The following ROPN1L variants were observed in gnomAD, a reference collection of about 807,000 sequenced individuals.
The protein encoded by ROPN1L is ropporin-1-like protein.
In ROPN1L, 23 loss-of-function variants were observed where a neutral mutation model predicts 22.7. That is an observed-to-expected ratio of 1.01 (90% CI 0.73 to 1.43). ROPN1L has a LOEUF of 1.43. Among genes scored for constraint, ROPN1L ranks in the 40% most tolerant of loss-of-function variants. The pLI, the probability that ROPN1L is intolerant of heterozygous loss-of-function variation, is 0.00. For missense variants in ROPN1L, 271 were observed against 291.5 expected (o/e 0.93, Z 0.51); for synonymous variants, 116 against 117.8 (o/e 0.98, Z 0.10).
intron 3 of ROPN1L, among the ~76,000 whole-genome samples, chr5:10,459,631 T>C (rs1734972300): frequency 6.6e-6 from 1 of 152,098 alleles, no homozygotes. Flanking sequence ...CACACAGAAG[T>C]GCCCCTGGAA....
At position 10,449,949 on chromosome 5, in the gene ROPN1L, C is replaced by G; in HGVS notation, c.256-3C>G. ...AAATTGTCATGCTGTGTTTTCCAAACAGTGTCACCACAAGCGGTATGTGGA... is the reference window on the plus strand; with the variant it reads ...AAATTGTCATGCTGTGTTTTCCAAAGAGTGTCACCACAAGCGGTATGTGGA... On this transcript the variant is annotated splice_region_variant and splice_polypyrimidine_tract_variant and intron_variant, in intron 2 of 4. Coordinates refer to ENST00000274134, the MANE Select transcript of ROPN1L (RefSeq NM_031916.5). 1 of 1,601,780 alleles carries G rather than the reference C, an allele frequency of 6.2e-7. No individual in the cohort carries two copies. The highest frequency in any genetic ancestry group is 8.5e-7 in the Non-Finnish European group (1 of 1,175,598).
downstream of ROPN1L, among the ~76,000 whole-genome samples, chr5:10,473,533 C>T (rs1045607303): frequency 1.1e-4 from 16 of 152,158 alleles, no homozygotes; most frequent in Admixed American, 5.9e-4. Context: ...TTTGGACTTA[C>T]GGTCCCCAGA....
intron 2 of ROPN1L, 43 bp downstream of exon 2, chr5:10,448,426 G>A: frequency 6.2e-7 from 1 of 1,611,890 alleles, no homozygotes; most frequent in Middle Eastern, 1.9e-4. Flanking sequence ...GCTGGCCTGT[G>A]CTTTCCTTAC....
intron 4 of ROPN1L, among the ~76,000 whole-genome samples, chr5:10,462,593 T>A (rs150607942): frequency 1.5e-3 from 230 of 152,312 alleles, no homozygotes; most frequent in African/African-American, 5.3e-3. Context: ...AATTGTAGCA[T>A]GTTAAAAAGT....
chr5:10,450,589 C>T (rs149327704), intron 3 of ROPN1L, among the ~76,000 whole-genome samples: 5,391 of 152,248 alleles, frequency 0.035, 140 homozygotes, highest in Non-Finnish European at 0.057. Context: ...ACCTCCGCCT[C>T]CCAGGTTCAA....
At position 10,441,917 on chromosome 5, in the gene ROPN1L, G is replaced by A. The variant is rs528290328; in HGVS notation, c.-251G>A. ...CTGGATACCGAGCGCGTCCGTAGTGGCGGCTGGCGCTAGGGAACTGCAGGG... is the reference window on the plus strand; with the variant it reads ...CTGGATACCGAGCGCGTCCGTAGTGACGGCTGGCGCTAGGGAACTGCAGGG... On this transcript the variant is annotated 5_prime_UTR_variant, in exon 1 of 5. Transcript: ENST00000274134. The A allele has an allele frequency of 2.1e-5, 7 of 328,036 alleles. No homozygotes were observed. The South Asian group carries it at 3.8e-4, about 18-fold the overall frequency. 20.3% of individuals were successfully genotyped at this position (328,036 alleles called of 1,614,324 possible). A position where few individuals can be genotyped will look rare whatever the true frequency, so the allele number is the denominator to read the frequency against.
At chr5:10,451,535 A>G (rs555710944) in intron 3 of ROPN1L, among the ~76,000 whole-genome samples, 1 of 152,394 alleles carries the variant, frequency 6.6e-6, no homozygotes, top group East Asian at 1.9e-4. Flanking sequence ...ATCCTAAATT[A>G]TATGACTAGA....
At chr5:10,478,599 C>G in the ROPN1L span, among the ~76,000 whole-genome samples, 1 of 152,136 alleles carries the variant, frequency 6.6e-6, no homozygotes, top group Non-Finnish European at 1.5e-5. Flanking sequence ...CTTCTCTGTG[C>G]GTACGACTGT....
rs770745861 is a variant in ROPN1L, at chr5:10,461,179, C to T, written c.418-5C>T. Reference sequence around the variant, plus strand: ...TTTCTCCCCACCTGGCTGTGGTGCTCCCAGTCCTTGAACACTGCGCTGAAG... The same window carrying T: ...TTTCTCCCCACCTGGCTGTGGTGCTTCCAGTCCTTGAACACTGCGCTGAAG... On this transcript the variant is annotated splice_polypyrimidine_tract_variant and splice_region_variant and intron_variant, in intron 3 of 4. Coordinates refer to ENST00000274134, the MANE Select transcript of ROPN1L (RefSeq NM_031916.5). The T allele has an allele frequency of 8.7e-6, 14 of 1,609,166 alleles. No individual in the cohort carries two copies. Among genetic ancestry groups the T allele is most frequent in the African/African-American group, 5.3e-5 (4 of 74,852 alleles).
chr5:10,469,077 C>A (rs1223076517), downstream of ROPN1L, among the ~76,000 whole-genome samples: 1 of 152,112 alleles, frequency 6.6e-6, no homozygotes, highest in African/African-American at 2.4e-5. Context: ...ATGGCGTGAA[C>A]CTGGGAGGCG....
At chr5:10,474,339 A>C (rs1363056820), downstream of ROPN1L, among the ~76,000 whole-genome samples, 1 of 152,172 alleles carries the variant, frequency 6.6e-6, no homozygotes, top group Non-Finnish European at 1.5e-5. Context: ...GGGACAGTAC[A>C]TGGTGGGACA....
chr5:10,480,691 G>A, the ROPN1L span, among the ~76,000 whole-genome samples: 7 of 152,078 alleles, frequency 4.6e-5, no homozygotes, highest in African/African-American at 1.7e-4. Flanking sequence ...AGCATCCCCT[G>A]GGAGAGCCTT....
chr5:10,473,339 G>A (rs555872509), downstream of ROPN1L, among the ~76,000 whole-genome samples: 6 of 152,318 alleles, frequency 3.9e-5, no homozygotes, highest in Admixed American at 3.9e-4. Flanking sequence ...GCCCTTAAAA[G>A]AGAAAGGCAG....
intron 4 of ROPN1L, among the ~76,000 whole-genome samples, chr5:10,463,970 A>G (rs879718946): frequency 2.6e-5 from 4 of 152,024 alleles, no homozygotes; most frequent in Non-Finnish European, 5.9e-5. Context: ...CCAACCGGCC[A>G]TGATGCCACC....
intron 2 of ROPN1L, among the ~76,000 whole-genome samples, chr5:10,449,316 C>A (rs1741178166): frequency 6.6e-6 from 1 of 152,112 alleles, no homozygotes; most frequent in South Asian, 2.1e-4. Context: ...GTCAGGAGTT[C>A]AAGACCAGCC....
intron 1 of ROPN1L, among the ~76,000 whole-genome samples, chr5:10,446,631 A>AGCCT (rs982004804): frequency 2.0e-4 from 29 of 144,076 alleles, no homozygotes; most frequent in Non-Finnish European, 4.1e-4. Flanking sequence ...ACTGCACTCC[A>AGCCT]GCCTAGGCCA....
In ROPN1L at chr5:10,451,364, G is replaced by A. The variant is rs186266943; in HGVS notation, c.417+1251G>A. Among the ~76,000 whole-genome samples, 194 of 152,274 alleles carry A rather than the reference G, an allele frequency of 1.3e-3. 1 individual carries two copies. The highest frequency in any genetic ancestry group is 4.4e-3 in the African/African-American group (184 of 41,560). ...CCTCCCATGTCCTGTCCCCCTGCCT[G>A]GTGGCCTGAAGCAATGACATTTCTG... On this transcript the variant is annotated intron_variant, in intron 3 of 4. Coordinates refer to ENST00000274134, the MANE Select transcript of ROPN1L (RefSeq NM_031916.5).
At chr5:10,475,310 T>C (rs1735304185), downstream of ROPN1L, among the ~76,000 whole-genome samples, 1 of 152,254 alleles carries the variant, frequency 6.6e-6, no homozygotes, top group Non-Finnish European at 1.5e-5. Flanking sequence ...ATGGCTGTTA[T>C]TCATATCTGC....
At chr5:10,476,755 T>C (rs1275654406), downstream of ROPN1L, among the ~76,000 whole-genome samples, 1 of 152,264 alleles carries the variant, frequency 6.6e-6, no homozygotes, top group African/African-American at 2.4e-5. Flanking sequence ...ATTGTATTTT[T>C]ATATGCTGGC....
Sources: gnomAD v4.1 joint callset for allele counts (sites outside exome capture counted in the v4.1 genomes callset) on GRCh38, gnomAD v4.1.1 for gene constraint, MANE v1.5 for transcripts, NCBI Gene and HGNC (gene_info 2026-07-23, HGNC 2026-07-21) for gene names.